The following NOC3L variants were observed in gnomAD, a reference collection of about 807,000 sequenced individuals.
NOC3L encodes nucleolar complex protein 3 homolog.
NOC3L carries 85 observed loss-of-function variants against 102.5 expected under a neutral mutation model. The observed-to-expected ratio is 0.83, with a 90% CI of 0.70 to 0.99. The LOEUF is 0.99. Among genes scored for constraint, NOC3L ranks in the 50% least tolerant of loss-of-function variants. NOC3L has a pLI of 0.00. For synonymous variants in NOC3L, 303 were observed against 309.4 expected (o/e 0.98, Z 0.22); for missense variants, 878 against 914.9 (o/e 0.96, Z 0.52).
chr10:94,340,143 TAC>T (rs944484706), intron 16 of NOC3L, 131 bp downstream of exon 16: 2 of 813,378 alleles, frequency 2.5e-6, no homozygotes, highest in African/African-American at 3.5e-5. Flanking sequence ...TAAGATTAAA[TAC>T]AGATGCATGG....
At position 94,350,559 on chromosome 10, in the gene NOC3L, A is replaced by G. The variant is rs188619758; in HGVS notation, c.953-271T>C. Among the ~76,000 whole-genome samples, 4 of 151,932 alleles carry G rather than the reference A, an allele frequency of 2.6e-5. No individual in the cohort carries two copies. In the East Asian group the frequency reaches 7.8e-4, roughly 30 times the overall value. ...CCCCATCTCTACTAACATAAAAAAA[A>G]AAAAATTAGCCAGGCATGGTGGGTG... is the stretch of plus-strand genomic sequence containing the variant. On this transcript the variant is annotated intron_variant, in intron 8 of 20. Coordinates refer to ENST00000371361, the MANE Select transcript of NOC3L (RefSeq NM_022451.11).
chr10:94,337,508 C>T (rs1450015278), intron 19 of NOC3L, among the ~76,000 whole-genome samples: 1 of 152,052 alleles, frequency 6.6e-6, no homozygotes, highest in Non-Finnish European at 1.5e-5. Context: ...CTATGCCATT[C>T]TACTATCCTG....
Position 94,338,613 on chromosome 10 carries a change from G to A in NOC3L, c.2086C>T (p.Leu696=). The change falls in exon 18 of 21, where the codon CTG becomes TTG. Residue 696 remains leucine, a synonymous_variant. Transcript: ENST00000371361. Reference sequence around the variant, plus strand: ...AAAACCAGGGCCACTCTTACCCGCAGAGCATGCAGTTCCCACAGAGCAGTG... The same window carrying A: ...AAAACCAGGGCCACTCTTACCCGCAAAGCATGCAGTTCCCACAGAGCAGTG... ...QNTALWELHA[L]RRHYHPIVQR... 6.4e-7 allele frequency: 1 copy of A among 1,552,828 alleles called. No individual in the cohort carries two copies. Among genetic ancestry groups the A allele is most frequent in the Non-Finnish European group, 8.7e-7 (1 of 1,145,090 alleles).
downstream of NOC3L, chr10:94,331,694 A>C (rs1564905940): frequency 6.6e-6 from 1 of 152,080 alleles, no homozygotes; most frequent in Non-Finnish European, 1.5e-5. Context: ...CAGAGTCTAG[A>C]CTTGGGTCAA....
At chr10:94,344,819 T>A (rs920849688) in intron 12 of NOC3L, 34 bp downstream of exon 12, 2 of 1,487,828 alleles carry the variant, frequency 1.3e-6, no homozygotes, top group African/African-American at 2.8e-5. Context: ...ACTTAACGCA[T>A]TTTAAAAGCA....
the NOC3L span, among the ~76,000 whole-genome samples, chr10:94,318,502 C>G: frequency 6.6e-6 from 1 of 152,124 alleles, no homozygotes; most frequent in African/African-American, 2.4e-5. Context: ...GAAATAGATT[C>G]AGAGAGGTGA....
chr10:94,333,128 C>T (rs1267517176), downstream of NOC3L: 1 of 152,068 alleles, frequency 6.6e-6, no homozygotes, highest in Admixed American at 6.6e-5. Context: ...ACTCTAAGCT[C>T]CAGAGTAAAA....
At chr10:94,358,407 A>G (rs959812208) in intron 2 of NOC3L, among the ~76,000 whole-genome samples, 192 bp from the exon 3 acceptor site, 3 of 152,192 alleles carry the variant, frequency 2.0e-5, no homozygotes, top group Admixed American at 1.3e-4. Context: ...TTCTAAATGG[A>G]AGAACTACTG....
chr10:94,344,618 T>C (rs2054322450), intron 12 of NOC3L, 103 bp from the exon 13 acceptor site: 3 of 770,720 alleles, frequency 3.9e-6, no homozygotes, highest in African/African-American at 1.7e-5. Flanking sequence ...TCCCTACCCA[T>C]CCCTCCCCAC....
the NOC3L span, chr10:94,324,372 C>T: frequency 2.5e-6 from 4 of 1,614,066 alleles, no homozygotes; most frequent in African/African-American, 2.7e-5. Context: ...CCAAATATTC[C>T]TACAGCATCC....
the NOC3L span, among the ~76,000 whole-genome samples, chr10:94,319,864 CTTTTTT>C: frequency 0.015 from 1,412 of 92,926 alleles, 32 homozygotes; most frequent in African/African-American, 0.046. Context: ...CAAAGGTGCT[CTTTTTT>C]TTTTTTTTTT....
rs1458134086 is a variant in NOC3L at position 94,346,667 on chromosome 10, T to G, written c.1258-111A>C. 5 of 508,444 alleles carry G rather than the reference T, an allele frequency of 9.8e-6. No homozygotes were observed. In the African/African-American group the frequency reaches 1.0e-4, roughly 10 times the overall value. 31.5% of individuals were successfully genotyped at this position (508,444 alleles called of 1,614,324 possible). A position where few individuals can be genotyped will look rare whatever the true frequency, so the allele number is the denominator to read the frequency against. Reference sequence around the variant, plus strand: ...TATTTCCCTCGTTCATGAAAAAACCTTCAAACATCTTTTATAACATTTTAC... The same window carrying G: ...TATTTCCCTCGTTCATGAAAAAACCGTCAAACATCTTTTATAACATTTTAC... On this transcript the variant is annotated intron_variant, in intron 10 of 20. Transcript: ENST00000371361.
rs959676788 is a variant in NOC3L at position 94,362,905 on chromosome 10, G to C, written c.-67C>G. ...AAGCAGGGTTACTACAGAAATCCCG[G>C]GGAATGACACACGTGCCGAAGTCCC... On this transcript the variant is annotated 5_prime_UTR_variant, in exon 1 of 21. Transcript: ENST00000371361. 3.7e-6 allele frequency: 6 copies of C among 1,613,350 alleles called. No homozygotes were observed. The African/African-American group carries it at 8.0e-5, about 22-fold the overall frequency.
intron 2 of NOC3L, among the ~76,000 whole-genome samples, chr10:94,358,479 A>G (rs1466730653): frequency 6.6e-6 from 1 of 152,188 alleles, no homozygotes. Context: ...AAATGCTAGC[A>G]TCTCTGACTC....
intron 10 of NOC3L, among the ~76,000 whole-genome samples, chr10:94,348,311 G>A (rs2054371127): frequency 6.6e-6 from 1 of 151,584 alleles, no homozygotes; most frequent in Non-Finnish European, 1.5e-5. Flanking sequence ...GAGACTATGT[G>A]CATAACAAAA....
At chr10:94,316,568 A>C in the NOC3L span, 2 of 1,608,148 alleles carry the variant, frequency 1.2e-6, no homozygotes, top group Non-Finnish European at 1.7e-6. Context: ...TGAACAAGAC[A>C]TCAAACCTGT....
chr10:94,328,225 G>A, the NOC3L span: 1 of 286,884 alleles, frequency 3.5e-6, no homozygotes, highest in South Asian at 3.7e-5. Flanking sequence ...GCAAGGGTCA[G>A]CAAGCTTGTC....
chr10:94,352,489 C>A, intron 7 of NOC3L, 86 bp from the exon 8 acceptor site: 1 of 835,242 alleles, frequency 1.2e-6, no homozygotes, highest in South Asian at 1.5e-5. Context: ...GTCTAGTATA[C>A]ACCCAGTACT....
At chr10:94,334,845 A>G (rs1223639711) in intron 19 of NOC3L, 127 bp from the exon 20 acceptor site, 1 of 671,830 alleles carries the variant, frequency 1.5e-6, no homozygotes, top group Non-Finnish European at 2.5e-6. Flanking sequence ...GAAACTAACC[A>G]ACCAATCCAG....
Sources: allele counts gnomAD v4.1 joint callset (sites outside exome capture counted in the v4.1 genomes callset), GRCh38; gene constraint gnomAD v4.1.1; transcripts MANE v1.5; gene names NCBI Gene and HGNC (gene_info 2026-07-23, HGNC 2026-07-21).